The following LCORL variants were observed in gnomAD, a reference collection of about 807,000 sequenced individuals.
LCORL encodes the protein ligand dependent nuclear receptor corepressor like.
LCORL carries 41 observed loss-of-function variants against 141.8 expected under a neutral mutation model. The ratio of observed to expected loss-of-function variants is 0.29; its 90% CI spans 0.23 to 0.38. The LOEUF (loss-of-function observed/expected upper bound fraction) is 0.38, where lower values mean the gene tolerates loss of function less well. Ranked by LOEUF, LCORL falls within the 10% of genes least tolerant of loss-of-function variation. The pLI is 1.00. For synonymous variants in LCORL, 618 were observed against 694.1 expected (o/e 0.89, Z 1.72); for missense variants, 1,759 against 2,035.0 (o/e 0.86, Z 2.61).
At chr4:17,865,236 A>T (rs1021137931) in intron 7 of LCORL, among the ~76,000 whole-genome samples, 1 of 152,242 alleles carries the variant, frequency 6.6e-6, no homozygotes, top group African/African-American at 2.4e-5. Context: ...TTAGATTTGC[A>T]TAGATTCTCG....
intron 2 of LCORL, among the ~76,000 whole-genome samples, chr4:17,963,560 A>G (rs1714280343): frequency 6.6e-6 from 1 of 151,988 alleles, no homozygotes; most frequent in African/African-American, 2.4e-5. Context: ...TTTTTATTAA[A>G]TTGTTTAAAG....
intron 4 of LCORL, among the ~76,000 whole-genome samples, chr4:17,934,929 A>T (rs1736614015): frequency 6.6e-6 from 1 of 152,192 alleles, no homozygotes; most frequent in Admixed American, 6.5e-5. Flanking sequence ...CTTTCTAAAA[A>T]ACGGAGGGTG....
At chr4:17,997,289 G>C (rs1386042162) in intron 1 of LCORL, among the ~76,000 whole-genome samples, 1 of 152,124 alleles carries the variant, frequency 6.6e-6, no homozygotes, top group African/African-American at 2.4e-5. Context: ...CATTCTCCAA[G>C]CACATTCACA....
exon 7 of LCORL, chr4:17,875,153 A>C: frequency 1.6e-6 from 2 of 1,232,624 alleles, no homozygotes; most frequent in African/African-American, 3.1e-5. Context: ...GTTCTAAAGG[A>C]GGCAAGCAGC....
chr4:17,948,288 A>G (rs192925491), intron 4 of LCORL, among the ~76,000 whole-genome samples: 37 of 152,154 alleles, frequency 2.4e-4, no homozygotes, highest in Admixed American at 1.8e-3. Flanking sequence ...TATTTATGTA[A>G]GGAATCTGGG....
At chr4:17,926,882 T>C (rs1359857300) in intron 4 of LCORL, among the ~76,000 whole-genome samples, 1 of 152,214 alleles carries the variant, frequency 6.6e-6, no homozygotes, top group East Asian at 1.9e-4. Context: ...TTTGGCATGG[T>C]AAATGAGCAC....
rs772194591 is a variant in LCORL at position 17,909,300 on chromosome 4, T to A, written c.476A>T (p.Glu159Val). The change falls in exon 5 of 8, where the codon GAA (glutamate) becomes GTA (valine). Residue 159 changes from glutamate to valine, a missense_variant. Physicochemically the swap from Glu to Val is moderately radical, Grantham distance 121 (BLOSUM62 -2). Around this residue, in one of 5 missense-constraint regions of LCORL, gnomAD observed 1,311 missense variants for 1,531.3 expected, o/e 0.86. Coordinates refer to ENST00000635767, the Ensembl canonical transcript of LCORL. ...TTGACGTATCATCTTTTTCATTAAT[T>A]CCTGAGCAACTAGGGGAATGTTAGG... is the stretch of plus-strand genomic sequence containing the variant. 3 of 1,610,136 alleles carry A rather than the reference T, an allele frequency of 1.9e-6. No individual in the cohort carries two copies. The South Asian group carries it at 3.3e-5, about 18-fold the overall frequency.
intron 7 of LCORL, among the ~76,000 whole-genome samples, chr4:17,865,641 TC>T (rs1725552523): frequency 6.6e-6 from 1 of 152,246 alleles, no homozygotes; most frequent in Non-Finnish European, 1.5e-5. Context: ...AACATTATGT[TC>T]ATATTAGTAA....
Position 17,898,652 on chromosome 4 carries a change from G to GTTTTT in LCORL, c.682+10437_682+10441dup, listed in dbSNP as rs34770223. On this transcript the variant is annotated intron_variant, in intron 5 of 7. Transcript: ENST00000635767. ...TCACTATCAAGAGATCATTCTCACCGTTTTTTTTTTTTTTTTTTTGATGTT... is the reference window on the plus strand; with the variant it reads ...TCACTATCAAGAGATCATTCTCACCGTTTTTTTTTTTTTTTTTTTTTTTTGATGTT... 7.0e-3 allele frequency among the ~76,000 whole-genome samples: 837 copies of GTTTTT among 119,198 alleles called. 19 individuals are homozygous for GTTTTT. The highest frequency in any genetic ancestry group is 0.025 in the African/African-American group (800 of 32,330). The allele number at this position is 119,198 out of a possible 152,430, so 78.2% of individuals were successfully genotyped here.
chr4:17,842,392 T>C, exon 8 of LCORL: 2 of 1,608,490 alleles, frequency 1.2e-6, no homozygotes, highest in Non-Finnish European at 1.7e-6. Flanking sequence ...ATGTCATGCA[T>C]GTCTAGAATA....
chr4:17,856,662 T>C (rs1445886404), intron 7 of LCORL, among the ~76,000 whole-genome samples: 2 of 152,210 alleles, frequency 1.3e-5, no homozygotes, highest in Non-Finnish European at 2.9e-5. Context: ...GTCATCCTAC[T>C]TTACTTGGAT....
chr4:17,865,965 C>A (rs1312557324), intron 7 of LCORL, among the ~76,000 whole-genome samples: 3 of 152,216 alleles, frequency 2.0e-5, no homozygotes, highest in African/African-American at 7.2e-5. Context: ...CTGTCCACTT[C>A]CAATTTAAAT....
At chr4:17,963,993 TAA>T (rs1311963182) in intron 2 of LCORL, among the ~76,000 whole-genome samples, 1 of 152,116 alleles carries the variant, frequency 6.6e-6, no homozygotes, top group Admixed American at 6.6e-5. Context: ...GCACAGATAA[TAA>T]AGTTTTTCTT....
At chr4:17,886,635 G>A (rs915889898) in intron 5 of LCORL, among the ~76,000 whole-genome samples, 5 of 151,942 alleles carry the variant, frequency 3.3e-5, no homozygotes, top group Admixed American at 6.6e-5. Context: ...GTGGCTGTAC[G>A]TATAAACATG....
chr4:17,841,319 AC>A (rs1722380581), exon 8 of LCORL: 1 of 151,980 alleles, frequency 6.6e-6, no homozygotes, highest in Non-Finnish European at 1.5e-5. Flanking sequence ...CCATGAGCCA[AC>A]CATGATTTTG....
At chr4:17,881,525 C>A (rs1577317370) in intron 6 of LCORL, 2 of 889,802 alleles carry the variant, frequency 2.2e-6, no homozygotes, top group East Asian at 2.4e-4. Context: ...TACTAAAATG[C>A]TGCAAATTAA....
At chr4:17,959,388 C>T (rs566382725) in intron 4 of LCORL, among the ~76,000 whole-genome samples, 6 of 152,056 alleles carry the variant, frequency 3.9e-5, no homozygotes, top group African/African-American at 9.6e-5. Flanking sequence ...TTCTTCTGGA[C>T]GGCTCAAATG....
chr4:17,915,152 T>G (rs1733198478), intron 4 of LCORL, among the ~76,000 whole-genome samples: 2 of 152,092 alleles, frequency 1.3e-5, no homozygotes, highest in South Asian at 4.1e-4. Context: ...GTCTATCCCT[T>G]CATCTCTCTC....
At chr4:17,856,081 T>C (rs1417282614) in intron 7 of LCORL, among the ~76,000 whole-genome samples, 2 of 152,232 alleles carry the variant, frequency 1.3e-5, no homozygotes, top group Non-Finnish European at 2.9e-5. Flanking sequence ...TAGCTCCTCA[T>C]TCCTTAAACG....
Sources: gnomAD v4.1 joint callset for allele counts (sites outside exome capture counted in the v4.1 genomes callset) on GRCh38, gnomAD v4.1.1 for gene constraint, gnomAD v4.1.1 regional missense constraint, MANE v1.5 for transcripts, NCBI Gene and HGNC (gene_info 2026-07-23, HGNC 2026-07-21) for gene names.